Variants in PCBP3 observed in about 807,000 individuals in gnomAD.
PCBP3 encodes the protein poly(rC) binding protein 3, also known as poly(rC)-binding protein 3.
Under a neutral mutation model 52.7 loss-of-function variants are expected in PCBP3, and 25 were observed. The observed-to-expected ratio is 0.47, with a 90% CI of 0.35 to 0.66. The LOEUF is 0.66. Among genes scored for constraint, PCBP3 ranks in the 30% least tolerant of loss-of-function variants. PCBP3 has a pLI of 0.01. For missense variants in PCBP3, 391 were observed against 490.3 expected (o/e 0.80, Z 1.91); for synonymous variants, 162 against 183.0 (o/e 0.89, Z 0.93).
intron 16 of PCBP3, among the ~76,000 whole-genome samples, chr21:45,937,523 G>T (rs139733869): frequency 6.6e-6 from 1 of 152,252 alleles, no homozygotes; most frequent in Non-Finnish European, 1.5e-5. Context: ...TCTCTAGGAG[G>T]AGAGGCTGCA....
At chr21:45,911,079 TCCCA>T in intron 11 of PCBP3, 49 bp downstream of exon 11, 1 of 1,594,280 alleles carries the variant, frequency 6.3e-7, no homozygotes, top group South Asian at 1.1e-5. Context: ...GGATTTGGCC[TCCCA>T]GCACTGCAGG....
At chr21:45,681,619 G>A (rs917508893) in intron 2 of PCBP3, among the ~76,000 whole-genome samples, 1 of 152,176 alleles carries the variant, frequency 6.6e-6, no homozygotes, top group Non-Finnish European at 1.5e-5. Context: ...CTGAACCATT[G>A]TAAGTCAGGG....
At chr21:45,835,332 G>T (rs774242176) in intron 4 of PCBP3, among the ~76,000 whole-genome samples, 5 of 152,140 alleles carry the variant, frequency 3.3e-5, no homozygotes, top group Non-Finnish European at 5.9e-5. Flanking sequence ...AGCAGCACCG[G>T]AGCTGCTCTG....
chr21:45,659,265 A>G (rs1363394233), intron 1 of PCBP3, among the ~76,000 whole-genome samples: 2 of 151,246 alleles, frequency 1.3e-5, no homozygotes, highest in Non-Finnish European at 2.9e-5. Context: ...AGGTGTTTAC[A>G]GCTATAATTT....
intron 4 of PCBP3, among the ~76,000 whole-genome samples, chr21:45,792,998 C>T (rs1381119332): frequency 6.6e-6 from 1 of 152,188 alleles, no homozygotes; most frequent in Non-Finnish European, 1.5e-5. Flanking sequence ...CCGAGGCTGA[C>T]CAAAGTAGAC....
chr21:45,696,209 T>A (rs540229093), intron 2 of PCBP3, among the ~76,000 whole-genome samples: 12 of 151,908 alleles, frequency 7.9e-5, no homozygotes, highest in Non-Finnish European at 1.8e-4. Context: ...ACCTAAGTGT[T>A]AAAGGAATAT....
chr21:45,694,369 G>A (rs2082649682), intron 2 of PCBP3, among the ~76,000 whole-genome samples: 1 of 152,132 alleles, frequency 6.6e-6, no homozygotes, highest in African/African-American at 2.4e-5. Context: ...GTTGAAAGTA[G>A]ACGAGAAAAA....
At chr21:45,670,531 C>G (rs1430141520) in intron 2 of PCBP3, among the ~76,000 whole-genome samples, 1 of 152,124 alleles carries the variant, frequency 6.6e-6, no homozygotes, top group Non-Finnish European at 1.5e-5. Flanking sequence ...AGGTTTTCAT[C>G]AGGTACTGCT....
At chr21:45,878,493 G>C (rs11911528) in intron 5 of PCBP3, among the ~76,000 whole-genome samples, 1 of 152,204 alleles carries the variant, frequency 6.6e-6, no homozygotes, top group Non-Finnish European at 1.5e-5. Context: ...CCCTCTCTAC[G>C]TCTGGGTCTG....
chr21:45,855,571 CCGGTTGCCT>C (rs879744104), intron 5 of PCBP3, among the ~76,000 whole-genome samples: 1 of 152,240 alleles, frequency 6.6e-6, no homozygotes, highest in Non-Finnish European at 1.5e-5. Context: ...CCCAACCAGG[CCGGTTGCCT>C]CCTACATCTG....
chr21:45,665,671 A>G (rs964234365), intron 1 of PCBP3, among the ~76,000 whole-genome samples: 6 of 152,192 alleles, frequency 3.9e-5, no homozygotes, highest in Non-Finnish European at 7.3e-5. Context: ...ATGGAATCAC[A>G]GCTGAATTCT....
chr21:45,819,661 T>C (rs2093069991), intron 4 of PCBP3, among the ~76,000 whole-genome samples: 1 of 151,762 alleles, frequency 6.6e-6, no homozygotes, highest in East Asian at 1.9e-4. Context: ...CCAGGTGCTA[T>C]CTTGGCTGAG....
intron 13 of PCBP3, among the ~76,000 whole-genome samples, chr21:45,929,034 G>T (rs1475990143): frequency 1.3e-5 from 2 of 152,204 alleles, no homozygotes; most frequent in East Asian, 3.8e-4. Flanking sequence ...GCAGCCCTGG[G>T]CTCTCCAAAG....
intron 4 of PCBP3, among the ~76,000 whole-genome samples, chr21:45,835,105 T>A (rs1161406648): frequency 6.6e-6 from 1 of 152,196 alleles, no homozygotes; most frequent in Non-Finnish European, 1.5e-5. Flanking sequence ...TGGGTTCATT[T>A]ATGAGGATGT....
intron 4 of PCBP3, among the ~76,000 whole-genome samples, chr21:45,847,883 G>T (rs531861676): frequency 6.6e-6 from 1 of 152,264 alleles, no homozygotes; most frequent in Admixed American, 6.5e-5. Context: ...AGGATTTTAA[G>T]TATTAGGTCT....
chr21:45,861,483 G>A (rs1006824798), intron 5 of PCBP3, among the ~76,000 whole-genome samples: 4 of 152,148 alleles, frequency 2.6e-5, no homozygotes, highest in African/African-American at 9.7e-5. Flanking sequence ...GCCAGAGCAC[G>A]CCTTGAGTGA....
At chr21:45,721,415 A>C (rs944994462) in intron 2 of PCBP3, among the ~76,000 whole-genome samples, 55 of 141,448 alleles carry the variant, frequency 3.9e-4, no homozygotes, top group African/African-American at 1.4e-3. Flanking sequence ...TCCATCTCAA[A>C]AAAAAAAAAA....
intron 5 of PCBP3, among the ~76,000 whole-genome samples, chr21:45,869,541 T>C (rs1034679639): frequency 3.3e-5 from 5 of 152,196 alleles, no homozygotes; most frequent in Non-Finnish European, 7.3e-5. Flanking sequence ...GGGTGACCGC[T>C]GCTCCTGCTC....
chr21:45,845,555 G>A (rs769526329), intron 4 of PCBP3, among the ~76,000 whole-genome samples: 4 of 147,214 alleles, frequency 2.7e-5, no homozygotes, highest in Non-Finnish European at 4.5e-5. Flanking sequence ...ATGTGTGTGA[G>A]CTGCTTAAGC....
Sources: allele counts gnomAD v4.1 joint callset (sites outside exome capture counted in the v4.1 genomes callset), GRCh38; gene constraint gnomAD v4.1.1; transcripts MANE v1.5; gene names NCBI Gene and HGNC (gene_info 2026-07-23, HGNC 2026-07-21).